The following RTCB variants were observed in gnomAD, a reference collection of about 807,000 sequenced individuals.
RTCB encodes the protein RNA 2',3'-cyclic phosphate and 5'-OH ligase.
A neutral mutation model predicts 58.2 loss-of-function variants in RTCB; 32 were observed. The observed-to-expected ratio is 0.55, with a 90% CI of 0.41 to 0.74. The LOEUF (loss-of-function observed/expected upper bound fraction) is 0.74. Ranked by LOEUF, RTCB falls within the 30% of genes least tolerant of loss-of-function variation. The probability of loss-of-function intolerance (pLI) is 0.00; values close to 1 mark genes in which losing one functional copy is unlikely to be tolerated. For missense variants in RTCB, 523 were observed against 639.0 expected (o/e 0.82, Z 1.96); for synonymous variants, 247 against 218.6 (o/e 1.13, Z -1.15).
At chr22:32,392,150 G>T in intron 11 of RTCB, 90 bp downstream of exon 11, 2 of 1,363,258 alleles carry the variant, frequency 1.5e-6, no homozygotes, top group Admixed American at 2.4e-5. Context: ...ATTTCTGTTA[G>T]TAACACCCTA....
In RTCB at chr22:32,395,062, G is replaced by A; in HGVS notation, c.1143C>T (p.Phe381=). Residue 381 remains phenylalanine (F), a synonymous_variant, in exon 9 of 12, where the codon TTC becomes TTT. Transcript: ENST00000216038. ...LVHRKGSTRA[F]PPHHPLIAVD... is the part of the protein sequence containing the mutation. Reference sequence around the variant, plus strand: ...CAGCAATGAGGGGATGGTGAGGAGGGAAAGCGCGGGTGGATCCCTTCCTGT... The same window carrying A: ...CAGCAATGAGGGGATGGTGAGGAGGAAAAGCGCGGGTGGATCCCTTCCTGT... 1.2e-6 allele frequency: 2 copies of A among 1,614,136 alleles called. No homozygotes were observed. The highest frequency in any genetic ancestry group is 1.7e-6 in the Non-Finnish European group (2 of 1,180,002).
At chr22:32,410,949 T>G (rs965529433) in intron 1 of RTCB, among the ~76,000 whole-genome samples, 3 of 152,154 alleles carry the variant, frequency 2.0e-5, no homozygotes, top group African/African-American at 7.2e-5. Flanking sequence ...GCACAAAGGA[T>G]CTTCCCGCCT....
At chr22:32,395,968 G>C in intron 8 of RTCB, 106 bp downstream of exon 8, 2 of 1,142,524 alleles carry the variant, frequency 1.8e-6, no homozygotes, top group Non-Finnish European at 1.3e-6. Flanking sequence ...CCAAAGTGTT[G>C]GGATTACAGG....
At chr22:32,407,465 C>G (rs1933446417) in intron 3 of RTCB, 2 of 152,524 alleles carry the variant, frequency 1.3e-5, no homozygotes, top group South Asian at 2.1e-4. Flanking sequence ...TCTTCCTCCC[C>G]CTCAGTGCTA....
At position 32,408,223 on chromosome 22, in the gene RTCB, T is replaced by C. The variant is rs1007659042; in HGVS notation, c.192A>G (p.Pro64=). ...CCACATTGCCAATCTGTTTCATGGC[T>C]GGCAGGAAGCCACCAACACCTGAAG... is the stretch of plus-strand genomic sequence containing the variant. The part of the protein sequence containing the change: ...CRGGGVGGFL[P]AMKQIGNVAA... The change falls in exon 3 of 12, where the codon CCA becomes CCG. Residue 64 remains proline, a synonymous_variant. Transcript: ENST00000216038. 11 of 1,614,206 alleles carry C rather than the reference T, an allele frequency of 6.8e-6. No individual in the cohort carries two copies. Among genetic ancestry groups the C allele is most frequent in the East Asian group, 6.7e-5 (3 of 44,886 alleles).
At chr22:32,407,684 A>G (rs1247393119) in intron 3 of RTCB, among the ~76,000 whole-genome samples, 1 of 152,264 alleles carries the variant, frequency 6.6e-6, no homozygotes, top group African/African-American at 2.4e-5. Context: ...CTTAACACTT[A>G]CAGATTCTAG....
intron 10 of RTCB, chr22:32,392,610 C>A: frequency 1.7e-6 from 1 of 588,472 alleles, no homozygotes. Flanking sequence ...CCTCTAAGAC[C>A]CACTAAATGC....
intron 8 of RTCB, 73 bp from the exon 9 acceptor site, chr22:32,395,287 A>G: frequency 7.5e-7 from 1 of 1,328,356 alleles, no homozygotes. Context: ...GACTCATCTC[A>G]CTGGTTTCAG....
intron 8 of RTCB, among the ~76,000 whole-genome samples, 174 bp downstream of exon 8, chr22:32,395,900 C>T (rs1040433288): frequency 4.0e-5 from 6 of 151,474 alleles, no homozygotes; most frequent in Non-Finnish European, 7.4e-5. Flanking sequence ...GGGGTTTCAC[C>T]GTGTTAGCCA....
chr22:32,407,992 C>T (rs1933456896), intron 3 of RTCB, 183 bp downstream of exon 3: 2 of 595,660 alleles, frequency 3.4e-6, no homozygotes, highest in South Asian at 4.5e-5. Context: ...TGGGCTCATG[C>T]AATCCTTCCA....
chr22:32,401,616 A>G lies in RTCB; in HGVS notation c.497+131T>C, dbSNP rs1601428630. 6.8e-6 allele frequency: 7 copies of G among 1,032,956 alleles called. No homozygotes were observed. The East Asian group carries it at 7.2e-5, about 11-fold the overall frequency. The allele number at this position is 1,032,956 out of a possible 1,614,324, so 64.0% of individuals were successfully genotyped here. A position where few individuals can be genotyped will look rare whatever the true frequency, so the allele number is the denominator to read the frequency against. On this transcript the variant is annotated intron_variant, in intron 5 of 11. Transcript: ENST00000216038. ...TGGGCTGTACCTCATGCTTAAAAAA[A>G]CAGTTCTTACTACTTCCTGAAAAGT...
intron 1 of RTCB, among the ~76,000 whole-genome samples, chr22:32,410,936 T>C (rs879252486): frequency 6.6e-6 from 1 of 152,176 alleles, no homozygotes; most frequent in Admixed American, 6.5e-5. Flanking sequence ...TCCAAAGTCC[T>C]AGGCACAAAG....
At chr22:32,389,937 T>G (rs1215276223) in intron 11 of RTCB, among the ~76,000 whole-genome samples, 1 of 152,190 alleles carries the variant, frequency 6.6e-6, no homozygotes. Flanking sequence ...ATGCCTGGCC[T>G]CCTTGCTGTT....
intron 2 of RTCB, among the ~76,000 whole-genome samples, chr22:32,408,525 G>A (rs1490748575): frequency 6.6e-6 from 1 of 152,214 alleles, no homozygotes; most frequent in Non-Finnish European, 1.5e-5. Context: ...AAGGTTAGCT[G>A]AGAAACAAGT....
intron 10 of RTCB, 65 bp downstream of exon 10, chr22:32,393,827 G>T: frequency 8.7e-7 from 1 of 1,144,214 alleles, no homozygotes; most frequent in Non-Finnish European, 1.3e-6. Context: ...ACATTTACCA[G>T]TCAAAATGGA....
rs568193427 is a variant in RTCB, at chr22:32,395,962, A to G, written c.990+112T>C. ...GATCCGCCCCCCCTCGGCCTCCCAA[A>G]GTGTTGGGATTACAGGCATGAGCCA... On this transcript the variant is annotated intron_variant, in intron 8 of 11. Coordinates refer to ENST00000216038, the MANE Select transcript of RTCB (RefSeq NM_014306.5). The G allele has an allele frequency of 2.8e-5, 30 of 1,058,164 alleles. No individual in the cohort carries two copies. The Admixed American group carries it at 3.3e-4, about 12-fold the overall frequency. 65.5% of individuals were successfully genotyped at this position (1,058,164 alleles called of 1,614,324 possible). A position where few individuals can be genotyped will look rare whatever the true frequency, so the allele number is the denominator to read the frequency against.
intron 1 of RTCB, among the ~76,000 whole-genome samples, chr22:32,410,938 G>A (rs924830797): frequency 9.2e-5 from 14 of 152,112 alleles, no homozygotes; most frequent in African/African-American, 3.4e-4. Flanking sequence ...CAAAGTCCTA[G>A]GCACAAAGGA....
rs1933305169 is a variant in RTCB, at chr22:32,399,753, C to T, written c.504G>A (p.Leu168=). 1 of 1,613,152 alleles carries T rather than the reference C, an allele frequency of 6.2e-7. No individual in the cohort carries two copies. Among genetic ancestry groups the T allele is most frequent in the African/African-American group, 1.3e-5 (1 of 74,840 alleles). ...CCACCCCCATCTCCAAGGCCTCCTC[C>T]AAGTCTCTGGATAAGTATAAAAGGT... is the stretch of plus-strand genomic sequence containing the variant. ...KGVIPMNAKD[L]EEALEMGVDW... The change falls in exon 6 of 12, where the codon TTG becomes TTA. Residue 168 remains leucine (L), a synonymous_variant. Transcript: ENST00000216038.
intron 10 of RTCB, among the ~76,000 whole-genome samples, chr22:32,393,496 G>C (rs145135240): frequency 6.6e-6 from 1 of 151,938 alleles, no homozygotes; most frequent in Non-Finnish European, 1.5e-5. Flanking sequence ...CCAATCTTGC[G>C]TGGACCTACA....
Sources: gnomAD v4.1 joint callset for allele counts (sites outside exome capture counted in the v4.1 genomes callset) on GRCh38, gnomAD v4.1.1 for gene constraint, MANE v1.5 for transcripts, NCBI Gene and HGNC (gene_info 2026-07-23, HGNC 2026-07-21) for gene names.